MALL: variants seen among roughly 807,000 people sequenced by gnomAD.
MALL encodes mal, T cell differentiation protein like, also known as MAL-like protein.
In MALL, 2 loss-of-function variants were observed where a neutral mutation model predicts 10.3. That is an observed-to-expected ratio of 0.19 (90% CI 0.08 to 0.61). The LOEUF (loss-of-function observed/expected upper bound fraction) is 0.61. Among genes scored for constraint, MALL ranks in the 20% least tolerant of loss-of-function variants. MALL has a pLI of 0.88. For synonymous variants in MALL, 27 were observed against 51.8 expected, an observed-to-expected ratio of 0.52 and a Z score of 2.05; for missense variants, 39 against 115.2, an observed-to-expected ratio of 0.34 and a Z score of 3.03.
chr2:110,115,609 T>C (rs1434927890), intron 1 of MALL, 79 bp downstream of exon 1: 1 of 642,680 alleles, frequency 1.6e-6, no homozygotes, highest in Non-Finnish European at 2.0e-6. Flanking sequence ...GGTCTCTCTC[T>C]TCTCGGTCCG....
At chr2:110,096,334 C>T (rs1678439485) in intron 1 of MALL, among the ~76,000 whole-genome samples, 1 of 152,148 alleles carries the variant, frequency 6.6e-6, no homozygotes, top group Admixed American at 6.5e-5. Flanking sequence ...GTTTGAATCC[C>T]AGCTCTGCCT....
chr2:110,107,286 G>A (rs1224499165), intron 1 of MALL, among the ~76,000 whole-genome samples: 3 of 152,134 alleles, frequency 2.0e-5, no homozygotes, highest in Non-Finnish European at 2.9e-5. Flanking sequence ...GAGGAGGATA[G>A]CCTGGGGCAA....
At chr2:110,104,670 T>C (rs1678648624) in intron 1 of MALL, among the ~76,000 whole-genome samples, 1 of 152,214 alleles carries the variant, frequency 6.6e-6, no homozygotes, top group African/African-American at 2.4e-5. Context: ...CCTTGAATCA[T>C]CTTGTCCTGA....
At chr2:110,118,070 C>T (rs923191824), upstream of MALL, among the ~76,000 whole-genome samples, 3 of 145,186 alleles carry the variant, frequency 2.1e-5, no homozygotes, top group African/African-American at 5.0e-5. Context: ...ATTCCTGCTC[C>T]TTTTTTTTTT....
chr2:110,115,817 C>A lies in MALL; in HGVS notation c.-25G>T. On this transcript the variant is annotated 5_prime_UTR_variant, in exon 1 of 4. Transcript: ENST00000272462. ...TGCTGTCAGCCCCTGCCGGGTGCTC[C>A]GCGGCAGCTCGCCCGCGCGCAGCCT... 1 of 1,130,388 alleles carries A rather than the reference C, an allele frequency of 8.8e-7. No homozygotes were observed. Among genetic ancestry groups the A allele is most frequent in the Non-Finnish European group, 1.1e-6 (1 of 881,982 alleles). 70.0% of individuals were successfully genotyped at this position (1,130,388 alleles called of 1,614,324 possible).
intron 1 of MALL, among the ~76,000 whole-genome samples, chr2:110,105,421 T>C (rs1678666534): frequency 6.6e-6 from 1 of 152,188 alleles, no homozygotes; most frequent in Admixed American, 6.5e-5. Context: ...TCCTTGGCCA[T>C]TATTCCAACG....
chr2:110,105,844 C>T (rs1489759927), intron 1 of MALL, among the ~76,000 whole-genome samples: 2 of 152,268 alleles, frequency 1.3e-5, no homozygotes, highest in South Asian at 2.1e-4. Context: ...CCCTAGGGGG[C>T]TCCCGGGAAG....
chr2:110,104,444 G>A (rs1327302409), intron 1 of MALL, among the ~76,000 whole-genome samples: 1 of 151,482 alleles, frequency 6.6e-6, no homozygotes, highest in African/African-American at 2.4e-5. Flanking sequence ...CATAGGCAGG[G>A]GCCATGTCTG....
chr2:110,113,213 G>A (rs1230796169), intron 1 of MALL, among the ~76,000 whole-genome samples: 3 of 151,386 alleles, frequency 2.0e-5, no homozygotes, highest in Non-Finnish European at 2.9e-5. Context: ...CGAGGCAGGC[G>A]GATCACGAGG....
At chr2:110,117,610 TGTGTGTGTGTGTGTGAGAGA>T (rs1678943575), upstream of MALL, among the ~76,000 whole-genome samples, 2 of 132,878 alleles carry the variant, frequency 1.5e-5, no homozygotes, top group African/African-American at 2.8e-5. Context: ...TGTGTGTGTG[TGTGTGTGTGTGTGTGAGAGA>T]GAGAGAGAGA....
upstream of MALL, among the ~76,000 whole-genome samples, chr2:110,116,970 G>A (rs1014180528): frequency 6.6e-6 from 1 of 152,194 alleles, no homozygotes; most frequent in African/African-American, 2.4e-5. Context: ...AGGGCCACAG[G>A]TGGGGAGACC....
chr2:110,101,341 C>T (rs1292015218), intron 1 of MALL, among the ~76,000 whole-genome samples: 2 of 152,180 alleles, frequency 1.3e-5, no homozygotes, highest in Non-Finnish European at 2.9e-5. Flanking sequence ...CACTTCCAAA[C>T]CCTGAGTCAC....
At chr2:110,108,665 C>T (rs923135906) in intron 1 of MALL, among the ~76,000 whole-genome samples, 1 of 152,150 alleles carries the variant, frequency 6.6e-6, no homozygotes, top group Non-Finnish European at 1.5e-5. Context: ...GAGACCTAGA[C>T]AGCCAAATAT....
intron 1 of MALL, among the ~76,000 whole-genome samples, chr2:110,103,997 A>T (rs1574034085): frequency 1.3e-5 from 2 of 152,004 alleles, no homozygotes; most frequent in East Asian, 3.9e-4. Context: ...ATGTTAGGAG[A>T]GAAGTGGGGG....
intron 1 of MALL, among the ~76,000 whole-genome samples, chr2:110,106,609 G>A (rs1297031476): frequency 1.3e-5 from 2 of 152,124 alleles, no homozygotes; most frequent in East Asian, 3.8e-4. Context: ...AATCACTAGT[G>A]GGGATGTAAA....
At chr2:110,108,126 A>T (rs993595838) in intron 1 of MALL, among the ~76,000 whole-genome samples, 1 of 152,140 alleles carries the variant, frequency 6.6e-6, no homozygotes, top group African/African-American at 2.4e-5. Context: ...CGAAACAAGG[A>T]TCTTCAATAC....
chr2:110,100,856 A>G (rs185308913), intron 1 of MALL, among the ~76,000 whole-genome samples: 2 of 152,280 alleles, frequency 1.3e-5, no homozygotes, highest in Admixed American at 6.5e-5. Flanking sequence ...AAATGTGGTG[A>G]GATGACAGGC....
At chr2:110,098,438 G>A (rs1355206437) in intron 1 of MALL, among the ~76,000 whole-genome samples, 1 of 152,036 alleles carries the variant, frequency 6.6e-6, no homozygotes, top group Non-Finnish European at 1.5e-5. Flanking sequence ...TCTACTCTGG[G>A]TACCTGATAT....
chr2:110,114,313 C>A lies in MALL; in HGVS notation c.105+1375G>T, dbSNP rs78966721. 8.3e-4 allele frequency among the ~76,000 whole-genome samples: 127 copies of A among 152,190 alleles called. 1 individual carries two copies. In the East Asian group the frequency reaches 0.015, roughly 17 times the overall value. ...ACCATCCACTTGTTGGGAGGAAATG[C>A]TCATGAGTCTCTTCCCGGCAGACAG... On this transcript the variant is annotated intron_variant, in intron 1 of 3. Transcript: ENST00000272462.
Sources: gnomAD v4.1 joint callset for allele counts (sites outside exome capture counted in the v4.1 genomes callset) on GRCh38, gnomAD v4.1.1 for gene constraint, MANE v1.5 for transcripts, NCBI Gene and HGNC (gene_info 2026-07-23, HGNC 2026-07-21) for gene names.